Variants in ARF1 observed in about 807,000 individuals in gnomAD.
ARF1 encodes the protein ARF GTPase 1.
A neutral mutation model predicts 18.0 loss-of-function variants in ARF1; 1 was observed. That is an observed-to-expected ratio of 0.06 (90% CI 0.02 to 0.26). The LOEUF (loss-of-function observed/expected upper bound fraction) is 0.26, where lower values mean the gene tolerates loss of function less well. ARF1 is among the 10% of genes least tolerant of loss of function. The pLI, the probability that ARF1 is intolerant of heterozygous loss-of-function variation, is 1.00. For synonymous variants in ARF1, 112 were observed against 96.3 expected (o/e 1.16, Z -0.95); for missense variants, 73 against 247.2 (o/e 0.30, Z 4.73).
rs1571845769 is a variant in ARF1 at position 228,098,140 on chromosome 1, T to C, written c.*127T>C. Reference sequence around the variant, plus strand: ...GGTCACCGTGTGCATCGCACCGTGCTGTAAATGTGGCAGACGCAGCCTGCG... The same window carrying C: ...GGTCACCGTGTGCATCGCACCGTGCCGTAAATGTGGCAGACGCAGCCTGCG... On this transcript the variant is annotated 3_prime_UTR_variant, in exon 5 of 5. Coordinates refer to ENST00000272102, the MANE Select transcript of ARF1 (RefSeq NM_001658.4). 8.5e-7 allele frequency: 1 copy of C among 1,176,366 alleles called. No homozygotes were observed. The highest frequency in any genetic ancestry group is 2.7e-5 in the East Asian group (1 of 37,388). The allele number at this position is 1,176,366 out of a possible 1,614,324, so 72.9% of individuals were successfully genotyped here.
chr1:228,097,300 C>T lies in ARF1; in HGVS notation c.148+38C>T. On this transcript the variant is annotated intron_variant, in intron 2 of 4. Transcript: ENST00000272102. The surrounding 1 kb of genome is among the most constrained non-coding windows in gnomAD (Gnocchi z 8.1). ...CCAGCAGGGAGTGGGCTGGGCTGGG[C>T]TGGGCCAAGGTACAAGGCCTCACCC... is the stretch of plus-strand genomic sequence containing the variant. The T allele has an allele frequency of 6.2e-7, 1 of 1,609,688 alleles. No homozygotes were observed. Among genetic ancestry groups the T allele is most frequent in the Non-Finnish European group, 8.5e-7 (1 of 1,177,256 alleles).
At chr1:228,088,652 A>G (rs1460281137) in intron 1 of ARF1, among the ~76,000 whole-genome samples, 1 of 152,208 alleles carries the variant, frequency 6.6e-6, no homozygotes, top group Non-Finnish European at 1.5e-5. Context: ...CCAGAAGGAA[A>G]AGCTACAGTA....
At chr1:228,094,517 C>T (rs945690746) in intron 1 of ARF1, among the ~76,000 whole-genome samples, 21 of 152,064 alleles carry the variant, frequency 1.4e-4, no homozygotes, top group African/African-American at 5.1e-4. Context: ...TAGAGTTGCC[C>T]AACCCCATAA....
chr1:228,084,064 C>T (rs945669147), intron 1 of ARF1, among the ~76,000 whole-genome samples: 4 of 152,210 alleles, frequency 2.6e-5, no homozygotes, highest in Non-Finnish European at 5.9e-5. Context: ...GCGTTTTCCG[C>T]AGTGTGTTGG....
chr1:228,094,461 T>A (rs1389737379), intron 1 of ARF1, among the ~76,000 whole-genome samples: 2 of 152,098 alleles, frequency 1.3e-5, no homozygotes, highest in Non-Finnish European at 2.9e-5. Flanking sequence ...ATTTCATGCT[T>A]GGGTTTTTCA....
At chr1:228,095,410 C>G (rs2032708475) in intron 1 of ARF1, among the ~76,000 whole-genome samples, 1 of 152,200 alleles carries the variant, frequency 6.6e-6, no homozygotes, top group Non-Finnish European at 1.5e-5. Context: ...GGCCTAAGCC[C>G]TGCTGCAGCT....
chr1:228,097,790 C>G lies in ARF1; in HGVS notation c.385-62C>G, dbSNP rs941366287. The G allele has an allele frequency of 3.1e-6, 5 of 1,587,572 alleles. No individual in the cohort carries two copies. Among genetic ancestry groups the G allele is most frequent in the Non-Finnish European group, 4.3e-6 (5 of 1,164,984 alleles). ...GCCTGGTGGTAGGGGTTACTGGAGG[C>G]TGGTGGGGCCCCTTTCTCTGTCCTG... On this transcript the variant is annotated intron_variant, in intron 4 of 4. Coordinates refer to ENST00000272102, the MANE Select transcript of ARF1 (RefSeq NM_001658.4). This position sits in a 1 kb window ranked among gnomAD's most constrained non-coding sequence, Gnocchi z 8.1.
chr1:228,085,463 C>T (rs1220312611), intron 1 of ARF1, among the ~76,000 whole-genome samples: 1 of 152,232 alleles, frequency 6.6e-6, no homozygotes, highest in Non-Finnish European at 1.5e-5. Context: ...TCAGGTCCTC[C>T]CCCAGGGTCC....
chr1:228,083,436 T>G (rs2032287224), intron 1 of ARF1: 1 of 152,326 alleles, frequency 6.6e-6, no homozygotes, highest in African/African-American at 2.4e-5. Context: ...TGCCCTTCCC[T>G]GTCTGCTGAA....
rs559423180 is a variant in ARF1, at chr1:228,098,281, C to G, written c.*268C>G. The G allele has an allele frequency of 4.2e-5, 14 of 334,568 alleles. No individual in the cohort carries two copies. The highest frequency in any genetic ancestry group is 9.3e-5 in the Admixed American group (2 of 21,430). The allele number at this position is 334,568 out of a possible 1,614,324, so 20.7% of individuals were successfully genotyped here. On this transcript the variant is annotated 3_prime_UTR_variant, in exon 5 of 5. Transcript: ENST00000272102. Reference sequence around the variant, plus strand: ...TAAAAAGAAAAATCAACTCACTGTTCAGTGCTGAGAGGGGATGTAGGCCCA... The same window carrying G: ...TAAAAAGAAAAATCAACTCACTGTTGAGTGCTGAGAGGGGATGTAGGCCCA...
At chr1:228,086,603 C>G (rs1478064354) in intron 1 of ARF1, among the ~76,000 whole-genome samples, 1 of 152,088 alleles carries the variant, frequency 6.6e-6, no homozygotes, top group African/African-American at 2.4e-5. Context: ...TTTCAGAGAG[C>G]TTCCAGAAAG....
intron 1 of ARF1, among the ~76,000 whole-genome samples, chr1:228,093,281 C>T (rs1421308065): frequency 6.6e-6 from 1 of 152,092 alleles, no homozygotes; most frequent in African/African-American, 2.4e-5. Flanking sequence ...AGTTAGGACC[C>T]GTACCAAGAG....
At chr1:228,093,955 CAAAAAAAAA>C (rs869199671) in intron 1 of ARF1, among the ~76,000 whole-genome samples, 1 of 51,154 alleles carries the variant, frequency 2.0e-5, no homozygotes, top group African/African-American at 7.2e-5. Flanking sequence ...GACTCTGTCT[CAAAAAAAAA>C]AAAAAAAAAA....
intron 1 of ARF1, among the ~76,000 whole-genome samples, chr1:228,085,015 C>G (rs2032349284): frequency 6.6e-6 from 1 of 152,250 alleles, no homozygotes; most frequent in Non-Finnish European, 1.5e-5. Flanking sequence ...TAGGCATTCT[C>G]TCCCCTTGAC....
At chr1:228,094,121 C>T (rs1227203946) in intron 1 of ARF1, among the ~76,000 whole-genome samples, 5 of 150,434 alleles carry the variant, frequency 3.3e-5, no homozygotes, top group South Asian at 2.1e-4. Flanking sequence ...GTGCTGGGGT[C>T]GAGGGGGTTG....
chr1:228,097,291 T>C lies in ARF1; in HGVS notation c.148+29T>C, dbSNP rs758944972. ...AGGTGGGGGCCAGCAGGGAGTGGGCTGGGCTGGGCTGGGCCAAGGTACAAG... is the reference window on the plus strand; with the variant it reads ...AGGTGGGGGCCAGCAGGGAGTGGGCCGGGCTGGGCTGGGCCAAGGTACAAG... On this transcript the variant is annotated intron_variant, in intron 2 of 4. Coordinates refer to ENST00000272102, the MANE Select transcript of ARF1 (RefSeq NM_001658.4). This position sits in a 1 kb window ranked among gnomAD's most constrained non-coding sequence, Gnocchi z 8.1. The C allele has an allele frequency of 6.2e-7, 1 of 1,608,778 alleles. No homozygotes were observed. Among genetic ancestry groups the C allele is most frequent in the South Asian group, 1.1e-5 (1 of 90,378 alleles).
At chr1:228,095,882 C>T (rs1302838119) in intron 1 of ARF1, among the ~76,000 whole-genome samples, 1 of 152,208 alleles carries the variant, frequency 6.6e-6, no homozygotes, top group Non-Finnish European at 1.5e-5. Flanking sequence ...AAAAAGGGAA[C>T]ACTACAGTGA....
Position 228,082,903 on chromosome 1 carries a change from C to CG in ARF1, c.-38+143dup. The CG allele has an allele frequency of 6.5e-6, 1 of 152,772 alleles. No homozygotes were observed. Among genetic ancestry groups the CG allele is most frequent in the Non-Finnish European group, 1.5e-5 (1 of 68,422 alleles). The allele number at this position is 152,772 out of a possible 1,614,324, so 9.5% of individuals were successfully genotyped here. A position where few individuals can be genotyped will look rare whatever the true frequency, so the allele number is the denominator to read the frequency against. The stretch of plus-strand genomic sequence containing the variant: ...GGCGGCGGCGGCGACAGGGCCGGGC[C>CG]GGGGGCGGACGCAGACGGGCCGGGC... On this transcript the variant is annotated intron_variant, in intron 1 of 4. Transcript: ENST00000272102. This position sits in a 1 kb window ranked among gnomAD's most constrained non-coding sequence, Gnocchi z 6.1.
chr1:228,086,487 G>C (rs1485453594), intron 1 of ARF1, among the ~76,000 whole-genome samples: 1 of 151,136 alleles, frequency 6.6e-6, no homozygotes, highest in Non-Finnish European at 1.5e-5. Flanking sequence ...CTGCACTCCA[G>C]CCTGGGCAAC....
Sources: allele counts gnomAD v4.1 joint callset (sites outside exome capture counted in the v4.1 genomes callset), GRCh38; gene constraint gnomAD v4.1.1; non-coding constraint Gnocchi (gnomAD v3.1); transcripts MANE v1.5; gene names NCBI Gene and HGNC (gene_info 2026-07-23, HGNC 2026-07-21).